CHRNA10: variants seen among roughly 807,000 people sequenced by gnomAD.
CHRNA10 encodes the protein cholinergic receptor nicotinic alpha 10 subunit.
In CHRNA10, 31 loss-of-function variants were observed where a neutral mutation model predicts 36.0. The ratio of observed to expected loss-of-function variants is 0.86; its 90% CI spans 0.65 to 1.16. The LOEUF is 1.16. CHRNA10 is among the 50% of genes most tolerant of loss of function. CHRNA10 has a pLI of 0.00. For synonymous variants in CHRNA10, 302 were observed against 287.0 expected (o/e 1.05, Z -0.53); for missense variants, 648 against 640.9 (o/e 1.01, Z -0.12).
rs144182744 is a variant in CHRNA10 at position 3,667,348 on chromosome 11, A to C, written c.779T>G (p.Leu260Arg). 3.1e-6 allele frequency: 5 copies of C among 1,601,186 alleles called. No individual in the cohort carries two copies. The African/African-American group carries it at 6.7e-5, about 21-fold the overall frequency. ...CACCTTCTCGCCTGAGTCGGCAGGC[A>C]GGTGGAAGGCGAGCGGCGCAAGCAG... The part of the protein sequence containing the change: ...ISLLAPLAFH[L>R]PADSGEKVSL... The change falls in exon 4 of 5, where the codon CTG (leucine) becomes CGG (arginine). Residue 260 changes from leucine (L) to arginine (R), a missense_variant. By Grantham distance (102) the Leu-to-Arg change is moderately radical. Coordinates refer to ENST00000250699, the MANE Select transcript of CHRNA10 (RefSeq NM_020402.4).
intron 1 of CHRNA10, chr11:3,670,994 G>A: frequency 1.8e-6 from 1 of 550,822 alleles, no homozygotes; most frequent in East Asian, 3.1e-5. Context: ...TGGCCGGCAG[G>A]CCCTTCAACA....
rs765909178 is a variant in CHRNA10 at position 3,667,595 on chromosome 11, C to T, written c.532G>A (p.Gly178Ser). ...CGLTFGSWTH[G>S]GHQLDVRPRG... ...GGCCGCACATCCAGTTGGTGCCCGCCGTGAGTCCAGGAGCCGAACGTCAGG... is the reference window on the plus strand; with the variant it reads ...GGCCGCACATCCAGTTGGTGCCCGCTGTGAGTCCAGGAGCCGAACGTCAGG... Residue 178 changes from glycine (G) to serine (S), a missense_variant, in exon 4 of 5, where the codon GGC (glycine) becomes AGC (serine). Transcript: ENST00000250699. The T allele has an allele frequency of 5.1e-6, 8 of 1,557,312 alleles. No homozygotes were observed. Among genetic ancestry groups the T allele is most frequent in the Middle Eastern group, 1.7e-4 (1 of 5,920 alleles).
chr11:3,666,488 G>GTA lies in CHRNA10; in HGVS notation c.970_971dup (p.Cys325ThrfsTer76). 5 of 1,608,408 alleles carry GTA rather than the reference G, an allele frequency of 3.1e-6. No homozygotes were observed. Among genetic ancestry groups the GTA allele is most frequent in the Non-Finnish European group, 4.2e-6 (5 of 1,176,626 alleles). ...GCACTGGGCGGACACTGGGACCACA[G>GTA]TAATGCAGGTTCATGATAAGGATGG... On this transcript the variant is annotated frameshift_variant, in exon 5 of 5. Transcript: ENST00000250699. LOFTEE classifies it high-confidence loss of function.
rs527484792 is a variant in CHRNA10, at chr11:3,671,122, A to G, written c.61+130T>C. The G allele has an allele frequency of 6.0e-5, 59 of 978,782 alleles. No individual in the cohort carries two copies. In the African/African-American group the frequency reaches 8.6e-4, roughly 14 times the overall value. The allele number at this position is 978,782 out of a possible 1,614,324, so 60.6% of individuals were successfully genotyped here. A position where few individuals can be genotyped will look rare whatever the true frequency, so the allele number is the denominator to read the frequency against. ...GCACCCCTCTCCTCCACACTCCCCA[A>G]ATAGAGAGCTTGTTCTCAGAACAGG... is the stretch of plus-strand genomic sequence containing the variant. On this transcript the variant is annotated intron_variant, in intron 1 of 4. Transcript: ENST00000250699.
intron 3 of CHRNA10, among the ~76,000 whole-genome samples, chr11:3,667,972 C>A (rs1000262127): frequency 2.0e-5 from 3 of 152,240 alleles, no homozygotes; most frequent in Non-Finnish European, 4.4e-5. Flanking sequence ...ATCAGCCCTT[C>A]CTTGCTGGAG....
chr11:3,667,818 C>G, intron 3 of CHRNA10, 54 bp from the exon 4 acceptor site: 1 of 1,400,872 alleles, frequency 7.1e-7, no homozygotes, highest in East Asian at 2.8e-5. Flanking sequence ...AGGAGCAGCC[C>G]CGGAGGCCGG....
In CHRNA10 at chr11:3,667,393, A is replaced by T; in HGVS notation, c.734T>A (p.Leu245Gln). 1 of 1,601,550 alleles carries T rather than the reference A, an allele frequency of 6.2e-7. No homozygotes were observed. Residue 245 changes from leucine (L) to glutamine (Q), a missense_variant, in exon 4 of 5, where the codon CTG (leucine) becomes CAG (glutamine). Leu to Gln is a moderately radical substitution (Grantham distance 113). Transcript: ENST00000250699. Reference protein sequence around the residue: ...RAAAYVCNLLLPCVLISLLAP... With the variant: ...RAAAYVCNLLQPCVLISLLAP... ...AAGCAGCGAGATGAGCACGCAGGGC[A>T]GCAGCAGGTTGCACACGTAGGCGGC...
Position 3,667,461 on chromosome 11 carries a change from G to A in CHRNA10, c.666C>T (p.Pro222=). The A allele has an allele frequency of 6.3e-7, 1 of 1,593,976 alleles. No individual in the cohort carries two copies. The highest frequency in any genetic ancestry group is 8.5e-7 in the Non-Finnish European group (1 of 1,175,900). ...GCAGCGTGAAGGTGACGTCGGGGTA[G>A]GGCTCGGAGCAGCAGCCGTAGGTGA... ...RVLTYGCCSE[P]YPDVTFTLLL... Residue 222 remains proline (P), a synonymous_variant, in exon 4 of 5, where the codon CCC becomes CCT. Transcript: ENST00000250699.
chr11:3,667,203 T>C, intron 4 of CHRNA10, 29 bp downstream of exon 4: 1 of 1,527,498 alleles, frequency 6.5e-7, no homozygotes, highest in Non-Finnish European at 8.7e-7. Context: ...CAGCGCATCG[T>C]CAGGTCCCCC....
At position 3,667,606 on chromosome 11, in the gene CHRNA10, G is replaced by C; in HGVS notation, c.521C>G (p.Ser174Cys). 6.4e-7 allele frequency: 1 copy of C among 1,557,182 alleles called. No individual in the cohort carries two copies. Among genetic ancestry groups the C allele is most frequent in the Non-Finnish European group, 8.6e-7 (1 of 1,156,138 alleles). ...CAGTTGGTGCCCGCCGTGAGTCCAG[G>C]AGCCGAACGTCAGGCCGCAGTGCTG... ...DAQHCGLTFG[S>C]WTHGGHQLDV... The change falls in exon 4 of 5, where the codon TCC becomes TGC. Residue 174 changes from serine to cysteine, a missense_variant. Ser to Cys is a moderately radical substitution (Grantham distance 112). Coordinates refer to ENST00000250699, the MANE Select transcript of CHRNA10 (RefSeq NM_020402.4).
rs774199635 is a variant in CHRNA10 at position 3,666,348 on chromosome 11, G to C, written c.1112C>G (p.Ser371Trp). 6.2e-7 allele frequency: 1 copy of C among 1,613,252 alleles called. No individual in the cohort carries two copies. Among genetic ancestry groups the C allele is most frequent in the Non-Finnish European group, 8.5e-7 (1 of 1,179,938 alleles). Residue 371 changes from serine to tryptophan, a missense_variant, in exon 5 of 5, where the codon TCG becomes TGG. Physicochemically the swap from Ser to Trp is radical, Grantham distance 177 (BLOSUM62 -3). Coordinates refer to ENST00000250699, the MANE Select transcript of CHRNA10 (RefSeq NM_020402.4). ...TGGGGGGCCAGCCCCTCCTTCAGGC[G>C]ACTGGGGGCTAGGAGATAACTCAGG... ...RPPELSPSPQ[S>W]PEGGAGPPAG...
At position 3,665,676 on chromosome 11, in the gene CHRNA10, C is replaced by T. The variant is rs1035420326; in HGVS notation, c.*431G>A. On this transcript the variant is annotated 3_prime_UTR_variant, in exon 5 of 5. Transcript: ENST00000250699. ...CTCTGGAAACTCGACTGAGAATCCCCGACCCTTTTCCCTGAGCCCCTCAGC... is the reference window on the plus strand; with the variant it reads ...CTCTGGAAACTCGACTGAGAATCCCTGACCCTTTTCCCTGAGCCCCTCAGC... 1.3e-5 allele frequency: 2 copies of T among 156,098 alleles called. No individual in the cohort carries two copies. The highest frequency in any genetic ancestry group is 2.8e-5 in the Non-Finnish European group (2 of 70,886). 9.7% of individuals were successfully genotyped at this position (156,098 alleles called of 1,614,324 possible). A position where few individuals can be genotyped will look rare whatever the true frequency, so the allele number is the denominator to read the frequency against.
Position 3,669,318 on chromosome 11 carries a change from C to G in CHRNA10, c.240G>C (p.Leu80=). ...CATCTGTCCACTCCTGCCGTATCCA[C>G]AGATACAGGGTCAGCACCTGGTTCC... The part of the protein sequence containing the change: ...DERNQVLTLY[L]WIRQEWTDAY... Residue 80 remains leucine, a synonymous_variant, in exon 3 of 5, where the codon CTG becomes CTC. Transcript: ENST00000250699. 1.2e-6 allele frequency: 2 copies of G among 1,614,060 alleles called. No individual in the cohort carries two copies. Among genetic ancestry groups the G allele is most frequent in the Non-Finnish European group, 1.7e-6 (2 of 1,179,954 alleles).
chr11:3,666,260 G>C lies in CHRNA10; in HGVS notation c.1200C>G (p.Ala400=). Residue 400 remains alanine, a synonymous_variant, in exon 5 of 5, where the codon GCC becomes GCG. Transcript: ENST00000250699. The stretch of plus-strand genomic sequence containing the variant: ...GGCTGCGGAAGGTATTGGCAATGGT[G>C]GCTACGTGGTGCAGTAGGGCTTCCT... ...CRQEALLHHV[A]TIANTFRSHR... 1 of 1,614,112 alleles carries C rather than the reference G, an allele frequency of 6.2e-7. No homozygotes were observed. The highest frequency in any genetic ancestry group is 1.7e-5 in the Admixed American group (1 of 60,034).
chr11:3,669,355 T>G lies in CHRNA10; in HGVS notation c.208-5A>C. On this transcript the variant is annotated splice_region_variant and splice_polypyrimidine_tract_variant and intron_variant, in intron 2 of 4. Coordinates refer to ENST00000250699, the MANE Select transcript of CHRNA10 (RefSeq NM_020402.4). ...CAGCACCTGGTTCCGTTCATCCTAG[T>G]GGGGGCAGGGAATGGCAGAGATGTG... The G allele has an allele frequency of 1.2e-6, 2 of 1,613,122 alleles. No homozygotes were observed. Among genetic ancestry groups the G allele is most frequent in the Non-Finnish European group, 1.7e-6 (2 of 1,179,474 alleles).
In CHRNA10 at chr11:3,667,498, C is replaced by A; in HGVS notation, c.629G>T (p.Arg210Leu). 6.3e-7 allele frequency: 1 copy of A among 1,581,416 alleles called. No individual in the cohort carries two copies. The highest frequency in any genetic ancestry group is 8.5e-7 in the Non-Finnish European group (1 of 1,171,502). ...VEWRVLGMPA[R>L]RRVLTYGCCS... ...GCAGCCGTAGGTGAGCACGCGCCGC[C>A]GCGCCGGCATGCCCAGCACGCGCCA... The change falls in exon 4 of 5, where the codon CGG becomes CTG. Residue 210 changes from arginine to leucine, a missense_variant. By Grantham distance (102) the Arg-to-Leu change is moderately radical. Transcript: ENST00000250699.
Position 3,667,499 on chromosome 11 carries a change from G to A in CHRNA10, c.628C>T (p.Arg210Trp). 1 of 1,580,878 alleles carries A rather than the reference G, an allele frequency of 6.3e-7. No individual in the cohort carries two copies. The highest frequency in any genetic ancestry group is 8.5e-7 in the Non-Finnish European group (1 of 1,171,264). ...CAGCCGTAGGTGAGCACGCGCCGCC[G>A]CGCCGGCATGCCCAGCACGCGCCAC... ...VEWRVLGMPA[R>W]RRVLTYGCCS... The change falls in exon 4 of 5, where the codon CGG becomes TGG. Residue 210 changes from arginine (R) to tryptophan (W), a missense_variant. Coordinates refer to ENST00000250699, the MANE Select transcript of CHRNA10 (RefSeq NM_020402.4).
In CHRNA10 at chr11:3,665,982, T is replaced by C; in HGVS notation, c.*125A>G. On this transcript the variant is annotated 3_prime_UTR_variant, in exon 5 of 5. Coordinates refer to ENST00000250699, the MANE Select transcript of CHRNA10 (RefSeq NM_020402.4). The stretch of plus-strand genomic sequence containing the variant: ...CCCTTGTGGATTGTGAAGTCAAGTG[T>C]CTCAGGATCTTAGGAGCAGTGGGGA... 1.3e-6 allele frequency: 1 copy of C among 771,714 alleles called. No homozygotes were observed. The highest frequency in any genetic ancestry group is 2.0e-6 in the Non-Finnish European group (1 of 495,828). The allele number at this position is 771,714 out of a possible 1,614,324, so 47.8% of individuals were successfully genotyped here. A position where few individuals can be genotyped will look rare whatever the true frequency, so the allele number is the denominator to read the frequency against.
rs980100339 is a variant in CHRNA10, at chr11:3,666,838, C to G, written c.896-274G>C. 2.0e-5 allele frequency among the ~76,000 whole-genome samples: 3 copies of G among 152,186 alleles called. No individual in the cohort carries two copies. The East Asian group carries it at 5.8e-4, about 29-fold the overall frequency. On this transcript the variant is annotated intron_variant, in intron 4 of 4. Transcript: ENST00000250699. Reference sequence around the variant, plus strand: ...CCAGGACAGTCCCGCTCTCAAATAACGACGGGCATGAGCTGGGGCAAGATA... The same window carrying G: ...CCAGGACAGTCCCGCTCTCAAATAAGGACGGGCATGAGCTGGGGCAAGATA...
Sources: allele counts gnomAD v4.1 joint callset (sites outside exome capture counted in the v4.1 genomes callset), GRCh38; gene constraint gnomAD v4.1.1; transcripts MANE v1.5; gene names NCBI Gene and HGNC (gene_info 2026-07-23, HGNC 2026-07-21).